The following PICALM variants were observed in gnomAD, a reference collection of about 807,000 sequenced individuals.
The protein encoded by PICALM is phosphatidylinositol binding clathrin assembly protein, also known as phosphatidylinositol-binding clathrin assembly protein.
PICALM carries 40 observed loss-of-function variants against 80.5 expected under a neutral mutation model. The ratio of observed to expected loss-of-function variants is 0.50; its 90% CI spans 0.39 to 0.65. PICALM has a LOEUF of 0.65. Ranked by LOEUF, PICALM falls within the 30% of genes least tolerant of loss-of-function variation. The probability of loss-of-function intolerance (pLI) is 0.00; values close to 1 mark genes in which losing one functional copy is unlikely to be tolerated. For missense variants in PICALM, 676 were observed against 778.9 expected (o/e 0.87, Z 1.57); for synonymous variants, 288 against 260.3 (o/e 1.11, Z -1.02).
At chr11:85,986,975 G>C (rs1009353211) in intron 13 of PICALM, among the ~76,000 whole-genome samples, 3 of 152,170 alleles carry the variant, frequency 2.0e-5, no homozygotes, top group African/African-American at 4.8e-5. Context: ...TAAATCTCAA[G>C]AGGACAATAA....
chr11:85,975,375 AAT>A (rs2094245307), intron 18 of PICALM, among the ~76,000 whole-genome samples: 1 of 152,146 alleles, frequency 6.6e-6, no homozygotes, highest in South Asian at 2.1e-4. Flanking sequence ...ATCTCAACCA[AAT>A]ATGTTTCTTT....
At chr11:85,972,934 T>C (rs1487814636) in intron 19 of PICALM, among the ~76,000 whole-genome samples, 1 of 152,184 alleles carries the variant, frequency 6.6e-6, no homozygotes, top group East Asian at 1.9e-4. Context: ...GTAATGAGAT[T>C]ACTGCTGGTA....
At chr11:86,001,632 A>T (rs138024202) in intron 9 of PICALM, among the ~76,000 whole-genome samples, 67 of 152,356 alleles carry the variant, frequency 4.4e-4, no homozygotes, top group African/African-American at 1.6e-3. Flanking sequence ...TGTTTCACCT[A>T]TAACAACATC....
At chr11:85,980,521 T>C (rs1181663542) in intron 17 of PICALM, among the ~76,000 whole-genome samples, 3 of 152,214 alleles carry the variant, frequency 2.0e-5, no homozygotes, top group African/African-American at 7.2e-5. Context: ...ACTTAAGTAC[T>C]TAACTGCCAC....
At chr11:85,961,625 C>T (rs550138898) in intron 19 of PICALM, among the ~76,000 whole-genome samples, 3 of 152,170 alleles carry the variant, frequency 2.0e-5, no homozygotes, top group Admixed American at 2.0e-4. Flanking sequence ...GCGTTTCAAA[C>T]CCGACATGAA....
intron 4 of PICALM, among the ~76,000 whole-genome samples, chr11:86,017,680 T>G (rs778047028): frequency 6.6e-6 from 1 of 152,218 alleles, no homozygotes; most frequent in Non-Finnish European, 1.5e-5. Flanking sequence ...GGGTTATAAG[T>G]GTGCCAAGAT....
At chr11:86,007,912 T>C (rs1483335108) in intron 7 of PICALM, among the ~76,000 whole-genome samples, 5 of 151,366 alleles carry the variant, frequency 3.3e-5, no homozygotes, top group Admixed American at 1.3e-4. Flanking sequence ...AAAAACACTA[T>C]GGTAAGAATG....
chr11:86,064,937 C>T (rs1238430431), intron 1 of PICALM, among the ~76,000 whole-genome samples: 1 of 151,890 alleles, frequency 6.6e-6, no homozygotes, highest in East Asian at 1.9e-4. Context: ...CTTTAATTAA[C>T]CAGGCGTGGT....
intron 9 of PICALM, among the ~76,000 whole-genome samples, chr11:86,002,482 A>C (rs928877852): frequency 2.4e-4 from 37 of 152,234 alleles, no homozygotes; most frequent in African/African-American, 8.9e-4. Context: ...TACCAGACTG[A>C]TATGAAATGA....
chr11:86,059,714 A>T (rs1294333041), intron 1 of PICALM, among the ~76,000 whole-genome samples: 1 of 152,168 alleles, frequency 6.6e-6, no homozygotes, highest in Non-Finnish European at 1.5e-5. Flanking sequence ...GTAAGCCATG[A>T]TCATGACACT....
chr11:86,062,448 G>A (rs2096382991), intron 1 of PICALM, among the ~76,000 whole-genome samples: 1 of 151,734 alleles, frequency 6.6e-6, no homozygotes, highest in African/African-American at 2.4e-5. Context: ...AACCCAGGAG[G>A]CAAAGGTTGC....
At chr11:86,053,337 C>T (rs913804363) in intron 1 of PICALM, among the ~76,000 whole-genome samples, 2 of 152,192 alleles carry the variant, frequency 1.3e-5, no homozygotes, top group Non-Finnish European at 2.9e-5. Context: ...TGGACACAAA[C>T]GTGGACCTGT....
intron 13 of PICALM, among the ~76,000 whole-genome samples, chr11:85,987,427 C>G (rs1319239348): frequency 2.0e-5 from 3 of 150,996 alleles, no homozygotes; most frequent in African/African-American, 7.3e-5. Context: ...ATTGCTATAA[C>G]TATTATTAAA....
At chr11:86,021,492 A>AT (rs2095561632) in intron 4 of PICALM, among the ~76,000 whole-genome samples, 2 of 140,156 alleles carry the variant, frequency 1.4e-5, no homozygotes, top group Non-Finnish European at 3.2e-5. Flanking sequence ...GATGGCTACC[A>AT]TTTAAGAAAA....
chr11:86,035,943 G>T (rs1260702990), intron 1 of PICALM, among the ~76,000 whole-genome samples: 1 of 113,612 alleles, frequency 8.8e-6, no homozygotes, highest in Non-Finnish European at 1.7e-5. Flanking sequence ...GCGAGACTCT[G>T]CCTCAAAAAA....
chr11:86,018,953 A>C (rs1246080834), intron 4 of PICALM, among the ~76,000 whole-genome samples: 3 of 152,030 alleles, frequency 2.0e-5, no homozygotes, highest in Non-Finnish European at 2.9e-5. Context: ...TCCAAAATAC[A>C]CAGGAGGGGA....
intron 5 of PICALM, among the ~76,000 whole-genome samples, chr11:86,014,572 C>T (rs555220228): frequency 2.6e-5 from 4 of 152,128 alleles, no homozygotes; most frequent in Non-Finnish European, 5.9e-5. Flanking sequence ...TATCCCTGTA[C>T]ATTTTCAAGA....
Position 85,965,296 on chromosome 11 carries a change from G to A in PICALM, c.1945-6236C>T, listed in dbSNP as rs549889279. Among the ~76,000 whole-genome samples the A allele has an allele frequency of 6.0e-4, 92 of 152,256 alleles. 1 individual carries two copies. The highest frequency in any genetic ancestry group is 6.8e-3 in the Middle Eastern group (2 of 294). On this transcript the variant is annotated intron_variant, in intron 19 of 19. Coordinates refer to ENST00000393346, the MANE Select transcript of PICALM (RefSeq NM_007166.4). ...GACTTTCCAGCCTCCACAACTGTAA[G>A]CCAATAATTTCTCTCTTTATAAACT...
At chr11:86,015,577 T>C (rs1030126204) in intron 4 of PICALM, among the ~76,000 whole-genome samples, 27 of 152,342 alleles carry the variant, frequency 1.8e-4, no homozygotes, top group African/African-American at 6.5e-4. Flanking sequence ...AAATAGTCTG[T>C]TAAATATTTC....
Sources: gnomAD v4.1 joint callset for allele counts (sites outside exome capture counted in the v4.1 genomes callset) on GRCh38, gnomAD v4.1.1 for gene constraint, MANE v1.5 for transcripts, NCBI Gene and HGNC (gene_info 2026-07-23, HGNC 2026-07-21) for gene names.